Variants in ENTREP2 observed in about 807,000 individuals in gnomAD.
The protein encoded by ENTREP2 is protein ENTREP2.
At chr15:29,165,299 C>T in the ENTREP2 span, among the ~76,000 whole-genome samples, 2 of 151,874 alleles carry the variant, frequency 1.3e-5, no homozygotes, top group African/African-American at 4.8e-5. Context: ...CCAAACCCAG[C>T]AGAAGAAAGG....
chr15:29,452,404 C>T, the ENTREP2 span, among the ~76,000 whole-genome samples: 1 of 152,240 alleles, frequency 6.6e-6, no homozygotes, highest in Admixed American at 6.5e-5. Flanking sequence ...GCCTCTGAAA[C>T]ACCAGGAAGG....
the ENTREP2 span, chr15:29,233,873 T>G: frequency 6.3e-7 from 1 of 1,578,628 alleles, no homozygotes; most frequent in Non-Finnish European, 8.7e-7. Flanking sequence ...TGATGTCAAA[T>G]GAGCCTGAGC....
chr15:29,637,004 TA>T, the ENTREP2 span, among the ~76,000 whole-genome samples: 1 of 152,116 alleles, frequency 6.6e-6, no homozygotes, highest in Non-Finnish European at 1.5e-5. Context: ...GGTTTAAACA[TA>T]AAGTTTACTC....
the ENTREP2 span, among the ~76,000 whole-genome samples, chr15:29,137,576 T>A: frequency 3.3e-5 from 5 of 152,188 alleles, no homozygotes; most frequent in African/African-American, 9.6e-5. Flanking sequence ...GGCTCATGCC[T>A]GTAATCCCAG....
chr15:29,282,582 G>A, the ENTREP2 span, among the ~76,000 whole-genome samples: 1 of 152,212 alleles, frequency 6.6e-6, no homozygotes, highest in African/African-American at 2.4e-5. Context: ...TCTTCAAATT[G>A]TTCCTCGTTT....
At chr15:29,138,671 G>A in the ENTREP2 span, among the ~76,000 whole-genome samples, 1 of 147,882 alleles carries the variant, frequency 6.8e-6, no homozygotes, top group Non-Finnish European at 1.5e-5. Context: ...AGATGTGTGT[G>A]TCTCTGTGTG....
the ENTREP2 span, among the ~76,000 whole-genome samples, chr15:29,439,503 C>A: frequency 6.6e-6 from 1 of 151,992 alleles, no homozygotes. Flanking sequence ...GAGGAAGAGA[C>A]CAATTTTCCT....
the ENTREP2 span, among the ~76,000 whole-genome samples, chr15:29,298,562 A>G: frequency 2.0e-5 from 3 of 152,336 alleles, no homozygotes; most frequent in East Asian, 1.9e-4. Flanking sequence ...TAGAAAGCTA[A>G]TAAGAGGATA....
chr15:29,124,145 C>T, the ENTREP2 span, among the ~76,000 whole-genome samples: 1 of 152,326 alleles, frequency 6.6e-6, no homozygotes, highest in Middle Eastern at 3.4e-3. Context: ...CCACTGCCTG[C>T]CAGGCCAGAG....
the ENTREP2 span, among the ~76,000 whole-genome samples, chr15:29,620,815 G>C: frequency 6.6e-6 from 1 of 152,116 alleles, no homozygotes; most frequent in African/African-American, 2.4e-5. Context: ...TCATCTTACT[G>C]AGAGGTGGGG....
chr15:29,423,188 G>A, the ENTREP2 span, among the ~76,000 whole-genome samples: 1 of 152,152 alleles, frequency 6.6e-6, no homozygotes, highest in Non-Finnish European at 1.5e-5. Context: ...TGTGACCTTG[G>A]AATCTTTTTA....
chr15:29,262,485 C>T, the ENTREP2 span, among the ~76,000 whole-genome samples: 1 of 152,196 alleles, frequency 6.6e-6, no homozygotes, highest in East Asian at 1.9e-4. Context: ...TCAATCATGC[C>T]TATGTAATGA....
chr15:29,216,941 T>C, the ENTREP2 span, among the ~76,000 whole-genome samples: 4 of 152,174 alleles, frequency 2.6e-5, no homozygotes, highest in Admixed American at 1.3e-4. Context: ...AAGAGAGGGA[T>C]TGACGCTCCA....
chr15:29,395,468 T>C, the ENTREP2 span, among the ~76,000 whole-genome samples: 2 of 152,126 alleles, frequency 1.3e-5, no homozygotes, highest in Non-Finnish European at 2.9e-5. Flanking sequence ...ATGGCTATTA[T>C]TTTTATAATA....
the ENTREP2 span, among the ~76,000 whole-genome samples, chr15:29,156,711 G>C: frequency 6.6e-6 from 1 of 152,164 alleles, no homozygotes; most frequent in African/African-American, 2.4e-5. Context: ...GCTGTTTACT[G>C]GAGTAGGGGA....
At chr15:29,660,925 T>C in the ENTREP2 span, among the ~76,000 whole-genome samples, 1 of 152,208 alleles carries the variant, frequency 6.6e-6, no homozygotes, top group Non-Finnish European at 1.5e-5. Flanking sequence ...CTGCAAGATT[T>C]AAAGATGCAC....
At chr15:29,132,944 G>A in the ENTREP2 span, among the ~76,000 whole-genome samples, 1 of 152,158 alleles carries the variant, frequency 6.6e-6, no homozygotes, top group Non-Finnish European at 1.5e-5. Flanking sequence ...CAGGGTCACT[G>A]AGCAGAGGCG....
At chr15:29,618,586 T>A in the ENTREP2 span, among the ~76,000 whole-genome samples, 2 of 152,188 alleles carry the variant, frequency 1.3e-5, no homozygotes, top group Admixed American at 1.3e-4. Flanking sequence ...CGAAAACCTT[T>A]GTTGCTATGT....
At chr15:29,639,314 A>G in the ENTREP2 span, among the ~76,000 whole-genome samples, 1 of 152,122 alleles carries the variant, frequency 6.6e-6, no homozygotes, top group Admixed American at 6.5e-5. Flanking sequence ...CAAAATTGTC[A>G]TTTGCCATAC....
Sources: allele counts gnomAD v4.1 joint callset (sites outside exome capture counted in the v4.1 genomes callset), GRCh38; gene constraint gnomAD v4.1.1; transcripts MANE v1.5; gene names NCBI Gene and HGNC (gene_info 2026-07-23, HGNC 2026-07-21).